NFATC3: variants seen among roughly 807,000 people sequenced by gnomAD.
The protein encoded by NFATC3 is nuclear factor of activated T cells 3.
NFATC3 carries 46 observed loss-of-function variants against 98.6 expected under a neutral mutation model. The observed-to-expected ratio is 0.47, with a 90% CI of 0.37 to 0.60. The LOEUF (loss-of-function observed/expected upper bound fraction) is 0.60. Ranked by LOEUF, NFATC3 falls within the 20% of genes least tolerant of loss-of-function variation. NFATC3 has a pLI of 0.00. For synonymous variants in NFATC3, 512 were observed against 472.2 expected, an observed-to-expected ratio of 1.08 and a Z score of -1.09; for missense variants, 1,256 against 1,295.5, an observed-to-expected ratio of 0.97 and a Z score of 0.47.
intron 5 of NFATC3, among the ~76,000 whole-genome samples, chr16:68,172,588 G>A (rs1301413086): frequency 6.6e-6 from 1 of 151,762 alleles, no homozygotes; most frequent in South Asian, 2.1e-4. Flanking sequence ...GGAGACCAGC[G>A]TGGGTAACAT....
intron 1 of NFATC3, among the ~76,000 whole-genome samples, chr16:68,111,266 T>C (rs2035933198): frequency 6.6e-6 from 1 of 152,224 alleles, no homozygotes. Flanking sequence ...TAAGTCTCTT[T>C]GTAGGTTTCT....
intron 3 of NFATC3, among the ~76,000 whole-genome samples, chr16:68,127,459 A>G (rs953463780): frequency 6.6e-6 from 1 of 152,078 alleles, no homozygotes; most frequent in African/African-American, 2.4e-5. Context: ...TGCTGAGGCA[A>G]GTGGATCACT....
intron 9 of NFATC3, among the ~76,000 whole-genome samples, chr16:68,207,311 A>T (rs868366650): frequency 0.032 from 4,278 of 135,762 alleles, 172 homozygotes; most frequent in African/African-American, 0.12. Context: ...ACTCCATCTC[A>T]AAAAAAAAAA....
intron 9 of NFATC3, among the ~76,000 whole-genome samples, chr16:68,205,637 G>A (rs951653868): frequency 6.6e-6 from 1 of 152,078 alleles, no homozygotes; most frequent in Non-Finnish European, 1.5e-5. Flanking sequence ...ATACTCCATT[G>A]TCCTCTGTAG....
At chr16:68,222,173 G>A (rs2041886670) in intron 9 of NFATC3, among the ~76,000 whole-genome samples, 1 of 150,830 alleles carries the variant, frequency 6.6e-6, no homozygotes. Context: ...AGGCGTAGTA[G>A]CACATGCCTG....
At chr16:68,085,842 C>G (rs565455253) in intron 1 of NFATC3, 58 bp downstream of exon 1, 718 of 1,269,604 alleles carry the variant, frequency 5.7e-4, no homozygotes, top group Non-Finnish European at 4.5e-4. Flanking sequence ...CGCAGGATCT[C>G]TCGCTCCCTC....
At chr16:68,106,548 C>G (rs1264168231) in intron 1 of NFATC3, among the ~76,000 whole-genome samples, 2 of 151,964 alleles carry the variant, frequency 1.3e-5, no homozygotes, top group Non-Finnish European at 2.9e-5. Flanking sequence ...CCTCGGCCTC[C>G]CAAAGTGCAG....
intron 4 of NFATC3, among the ~76,000 whole-genome samples, chr16:68,164,581 G>GTGCT (rs1352551699): frequency 6.6e-6 from 1 of 152,142 alleles, no homozygotes; most frequent in Non-Finnish European, 1.5e-5. Context: ...TGATGTAGCA[G>GTGCT]TGCTACACCT....
At chr16:68,143,353 AATT>A (rs1355751174) in intron 3 of NFATC3, among the ~76,000 whole-genome samples, 2 of 152,174 alleles carry the variant, frequency 1.3e-5, no homozygotes, top group African/African-American at 4.8e-5. Context: ...TGGAATTGTC[AATT>A]TTTAATTTAA....
chr16:68,104,857 T>C (rs2035568999), intron 1 of NFATC3, among the ~76,000 whole-genome samples: 1 of 151,920 alleles, frequency 6.6e-6, no homozygotes, highest in South Asian at 2.1e-4. Flanking sequence ...GGCTTCACCA[T>C]GTTAGCCAGG....
chr16:68,221,193 T>C (rs1199348701), intron 9 of NFATC3: 4 of 1,613,894 alleles, frequency 2.5e-6, no homozygotes, highest in Non-Finnish European at 3.4e-6. Flanking sequence ...CATTACATCA[T>C]AGATTTGTTT....
At position 68,122,756 on chromosome 16, in the gene NFATC3, C is replaced by G; in HGVS notation, c.873C>G (p.His291Gln). ...VCYAGSLSPH[H>Q]SPVPSPGHSP... Reference sequence around the variant, plus strand: ...ATGCTGGGTCCCTTTCACCCCATCACTCACCTGTTCCTTCACCTGGTCACT... The same window carrying G: ...ATGCTGGGTCCCTTTCACCCCATCAGTCACCTGTTCCTTCACCTGGTCACT... The change falls in exon 2 of 10, where the codon CAC becomes CAG. Residue 291 changes from histidine to glutamine, a missense_variant. Physicochemically the swap from His to Gln is conservative, Grantham distance 24 (BLOSUM62 0). This residue lies in a region of NFATC3 where 464 missense variants were observed against 465.7 expected (regional missense o/e 1.00). Coordinates refer to ENST00000346183, the MANE Select transcript of NFATC3 (RefSeq NM_173165.3). 6.2e-7 allele frequency: 1 copy of G among 1,614,248 alleles called. No homozygotes were observed. The highest frequency in any genetic ancestry group is 8.5e-7 in the Non-Finnish European group (1 of 1,180,052).
chr16:68,090,024 C>A (rs766084407), intron 1 of NFATC3, among the ~76,000 whole-genome samples: 23 of 152,010 alleles, frequency 1.5e-4, no homozygotes, highest in Non-Finnish European at 2.8e-4. Flanking sequence ...TCCTTTAATA[C>A]ACAACTTTTT....
At chr16:68,195,583 C>T (rs557377605) in intron 9 of NFATC3, among the ~76,000 whole-genome samples, 3 of 151,986 alleles carry the variant, frequency 2.0e-5, no homozygotes, top group East Asian at 1.9e-4. Context: ...CTGAGGTGGG[C>T]GGATCACGAG....
At chr16:68,135,091 G>A (rs549666200) in intron 3 of NFATC3, among the ~76,000 whole-genome samples, 1 of 151,904 alleles carries the variant, frequency 6.6e-6, no homozygotes, top group East Asian at 1.9e-4. Flanking sequence ...CGATATCTTT[G>A]TGTTGGTGGC....
chr16:68,191,560 CT>C lies in NFATC3; in HGVS notation c.2892del (p.Pro965GlnfsTer28). Reference sequence around the variant, plus strand: ...AGCTCAGGAACTGCCTCATCACCGTCTCCAGCCACCAGAATGCATTCTGGAC... The same window carrying C: ...AGCTCAGGAACTGCCTCATCACCGTCCCAGCCACCAGAATGCATTCTGGAC... ...SPSSGTASSP[S>X]PATRMHSGQH... On this transcript the variant is annotated frameshift_variant, in exon 9 of 10. Transcript: ENST00000346183. LOFTEE classifies it high-confidence loss of function. 6.2e-7 allele frequency: 1 copy of C among 1,614,180 alleles called. No homozygotes were observed. Among genetic ancestry groups the C allele is most frequent in the Non-Finnish European group, 8.5e-7 (1 of 1,180,032 alleles).
At chr16:68,211,873 G>A (rs1030479485) in intron 9 of NFATC3, among the ~76,000 whole-genome samples, 4 of 152,182 alleles carry the variant, frequency 2.6e-5, no homozygotes, top group Non-Finnish European at 5.9e-5. Flanking sequence ...AGATGAATGA[G>A]GTATATTTTG....
intron 9 of NFATC3, chr16:68,221,585 G>C: frequency 1.8e-6 from 2 of 1,095,462 alleles, no homozygotes; most frequent in East Asian, 5.7e-5. Flanking sequence ...AAACAAGATA[G>C]AGAAAGTCTG....
intron 1 of NFATC3, among the ~76,000 whole-genome samples, chr16:68,098,942 C>A (rs773710504): frequency 2.6e-5 from 4 of 152,004 alleles, no homozygotes; most frequent in African/African-American, 7.3e-5. Context: ...TTCTGGGTAC[C>A]CTTTACTCAG....
Sources: gnomAD v4.1 joint callset for allele counts (sites outside exome capture counted in the v4.1 genomes callset) on GRCh38, gnomAD v4.1.1 for gene constraint, gnomAD v4.1.1 regional missense constraint, MANE v1.5 for transcripts, NCBI Gene and HGNC (gene_info 2026-07-23, HGNC 2026-07-21) for gene names.